Variants in TMEM132D observed in about 807,000 individuals in gnomAD.
The protein encoded by TMEM132D is transmembrane protein 132D, also known as mature OL transmembrane protein.
A neutral mutation model predicts 62.3 loss-of-function variants in TMEM132D; 21 were observed. The observed-to-expected ratio is 0.34, with a 90% CI of 0.24 to 0.49. The LOEUF (loss-of-function observed/expected upper bound fraction) is 0.49. Ranked by LOEUF, TMEM132D falls within the 20% of genes least tolerant of loss-of-function variation. The pLI, the probability that TMEM132D is intolerant of heterozygous loss-of-function variation, is 0.99. For missense variants in TMEM132D, 1,346 were observed against 1,402.8 expected, an observed-to-expected ratio of 0.96 and a Z score of 0.65; for synonymous variants, 621 against 575.6, an observed-to-expected ratio of 1.08 and a Z score of -1.13.
At chr12:129,187,972 C>T (rs1329796929) in intron 5 of TMEM132D, among the ~76,000 whole-genome samples, 4 of 152,216 alleles carry the variant, frequency 2.6e-5, no homozygotes, top group South Asian at 2.1e-4. Context: ...GAAGAATATT[C>T]GTGAAATCAT....
At chr12:129,625,580 C>G in intron 2 of TMEM132D, among the ~76,000 whole-genome samples, 1 of 152,256 alleles carries the variant, frequency 6.6e-6, no homozygotes, top group East Asian at 1.9e-4. Context: ...TGACGATATG[C>G]TCACAGTTTT....
chr12:129,790,565 C>T (rs559237035), intron 1 of TMEM132D, among the ~76,000 whole-genome samples: 3 of 152,264 alleles, frequency 2.0e-5, no homozygotes, highest in African/African-American at 7.2e-5. Flanking sequence ...TGTCCAGCTG[C>T]TTCTCCTCTT....
chr12:129,627,570 CCTTT>C (rs1342624036), intron 2 of TMEM132D, among the ~76,000 whole-genome samples: 1 of 152,076 alleles, frequency 6.6e-6, no homozygotes, highest in Non-Finnish European at 1.5e-5. Flanking sequence ...AAACCAGAAA[CCTTT>C]TTTTTAGAGA....
At chr12:129,507,871 A>T (rs1875384736) in intron 3 of TMEM132D, among the ~76,000 whole-genome samples, 1 of 152,152 alleles carries the variant, frequency 6.6e-6, no homozygotes, top group African/African-American at 2.4e-5. Flanking sequence ...AAAAAACATT[A>T]AAAAATAGAA....
At chr12:129,318,571 G>A (rs1593335323) in intron 4 of TMEM132D, among the ~76,000 whole-genome samples, 1 of 152,196 alleles carries the variant, frequency 6.6e-6, no homozygotes, top group African/African-American at 2.4e-5. Flanking sequence ...TGGATTCCAT[G>A]AGGATCTTTA....
intron 3 of TMEM132D, among the ~76,000 whole-genome samples, chr12:129,399,958 G>A (rs959077795): frequency 6.6e-6 from 1 of 152,002 alleles, no homozygotes; most frequent in Admixed American, 6.6e-5. Flanking sequence ...ATCAAAATTA[G>A]TAGGAAAACA....
intron 3 of TMEM132D, among the ~76,000 whole-genome samples, chr12:129,402,158 G>C (rs1401232426): frequency 6.6e-6 from 1 of 152,190 alleles, no homozygotes; most frequent in Non-Finnish European, 1.5e-5. Flanking sequence ...TCTGCTGTCG[G>C]AACTTGATGT....
chr12:129,489,046 A>G (rs968537727), intron 3 of TMEM132D, among the ~76,000 whole-genome samples: 1 of 152,240 alleles, frequency 6.6e-6, no homozygotes, highest in Admixed American at 6.5e-5. Context: ...ATAGCCATCA[A>G]TAACAATACA....
chr12:129,296,507 C>A (rs2135623699), intron 4 of TMEM132D, among the ~76,000 whole-genome samples: 1 of 152,320 alleles, frequency 6.6e-6, no homozygotes, highest in Non-Finnish European at 1.5e-5. Context: ...TCTTCCTGAT[C>A]AGCAGACAAG....
intron 2 of TMEM132D, among the ~76,000 whole-genome samples, chr12:129,543,403 T>TA (rs1876646176): frequency 1.4e-5 from 2 of 142,024 alleles, no homozygotes; most frequent in Non-Finnish European, 3.0e-5. Context: ...GATGGATGGA[T>TA]GGATAGACAG....
At chr12:129,104,131 A>C (rs994955597) in intron 5 of TMEM132D, among the ~76,000 whole-genome samples, 11 of 149,562 alleles carry the variant, frequency 7.4e-5, no homozygotes, top group African/African-American at 2.7e-4. Context: ...CCACTACCTG[A>C]CTTCAAACTA....
At chr12:129,614,715 C>A (rs544994685) in intron 2 of TMEM132D, among the ~76,000 whole-genome samples, 11 of 152,034 alleles carry the variant, frequency 7.2e-5, no homozygotes, top group African/African-American at 2.7e-4. Flanking sequence ...AAACGAAGAC[C>A]CACACACACA....
intron 5 of TMEM132D, among the ~76,000 whole-genome samples, chr12:129,181,092 G>A (rs557042698): frequency 6.6e-6 from 1 of 152,244 alleles, no homozygotes; most frequent in Non-Finnish European, 1.5e-5. Flanking sequence ...GATGGGGGAT[G>A]TGGACAGATC....
At chr12:129,584,656 C>T (rs115469929) in intron 2 of TMEM132D, among the ~76,000 whole-genome samples, 8 of 152,282 alleles carry the variant, frequency 5.3e-5, no homozygotes, top group African/African-American at 1.7e-4. Flanking sequence ...CTAAAGAGGA[C>T]GAAGGAACCA....
intron 2 of TMEM132D, among the ~76,000 whole-genome samples, chr12:129,581,582 G>A (rs542119936): frequency 2.0e-4 from 31 of 152,328 alleles, no homozygotes; most frequent in African/African-American, 7.5e-4. Flanking sequence ...GCAGCCTGAT[G>A]TTTAAGGTCA....
chr12:129,500,514 C>A (rs1423316688), intron 3 of TMEM132D, among the ~76,000 whole-genome samples: 1 of 152,014 alleles, frequency 6.6e-6, no homozygotes, highest in Non-Finnish European at 1.5e-5. Context: ...CTTTCTCTAC[C>A]CTTGGCTGCT....
At chr12:129,410,637 C>T (rs946596733) in intron 3 of TMEM132D, among the ~76,000 whole-genome samples, 1 of 152,254 alleles carries the variant, frequency 6.6e-6, no homozygotes, top group Admixed American at 6.5e-5. Flanking sequence ...GGATTACAGG[C>T]GTGAGCCACC....
intron 2 of TMEM132D, among the ~76,000 whole-genome samples, chr12:129,644,957 GC>G (rs1390581044): frequency 7.4e-6 from 1 of 134,386 alleles, no homozygotes; most frequent in Non-Finnish European, 1.5e-5. Flanking sequence ...CTGCACTCCA[GC>G]CTGGGTGACA....
chr12:129,244,389 A>AC (rs2135586313), intron 4 of TMEM132D, among the ~76,000 whole-genome samples: 1 of 46,920 alleles, frequency 2.1e-5, no homozygotes, highest in South Asian at 7.6e-4. Context: ...CTGTCTCAAA[A>AC]AAAAAAAAAA....
Sources: gnomAD v4.1 joint callset for allele counts (sites outside exome capture counted in the v4.1 genomes callset) on GRCh38, gnomAD v4.1.1 for gene constraint, MANE v1.5 for transcripts, NCBI Gene and HGNC (gene_info 2026-07-23, HGNC 2026-07-21) for gene names.